The following BORCS5 variants were observed in gnomAD, a reference collection of about 807,000 sequenced individuals.
BORCS5 encodes the protein BLOC-1 related complex subunit 5, also known as BLOC-1-related complex subunit 5.
Under a neutral mutation model 22.1 loss-of-function variants are expected in BORCS5, and 17 were observed. The ratio of observed to expected loss-of-function variants is 0.77; its 90% confidence interval spans 0.53 to 1.15. The LOEUF is 1.15. BORCS5 is among the 50% of genes most tolerant of loss of function. The probability of loss-of-function intolerance (pLI) is 0.00; values close to 1 mark genes in which losing one functional copy is unlikely to be tolerated. For synonymous variants in BORCS5, 117 were observed against 99.8 expected (o/e 1.17, Z -1.03); for missense variants, 247 against 253.2 (o/e 0.98, Z 0.17).
At chr12:12,425,015 C>T (rs1359204365) in intron 2 of BORCS5, among the ~76,000 whole-genome samples, 1 of 152,160 alleles carries the variant, frequency 6.6e-6, no homozygotes, top group Admixed American at 6.5e-5. Context: ...ACAGTGATTA[C>T]CGTCTGTGTC....
intron 3 of BORCS5, among the ~76,000 whole-genome samples, chr12:12,451,351 C>G (rs1942904373): frequency 6.6e-6 from 1 of 152,130 alleles, no homozygotes; most frequent in African/African-American, 2.4e-5. Context: ...ATATCTGGTT[C>G]TTTAACAATT....
intron 2 of BORCS5, among the ~76,000 whole-genome samples, chr12:12,427,655 C>T (rs1942322923): frequency 6.6e-6 from 1 of 152,136 alleles, no homozygotes; most frequent in African/African-American, 2.4e-5. Flanking sequence ...TAACAGAATA[C>T]CATAAACCGG....
At chr12:12,419,482 G>A (rs1394676258) in intron 2 of BORCS5, among the ~76,000 whole-genome samples, 1 of 152,194 alleles carries the variant, frequency 6.6e-6, no homozygotes, top group East Asian at 1.9e-4. Context: ...CTTTGCTGTT[G>A]TGAATAGTGC....
rs866760332 is a variant in BORCS5, at chr12:12,381,005, T to G, written c.202+19656T>G. On this transcript the variant is annotated intron_variant, in intron 2 of 3. Coordinates refer to ENST00000314565, the MANE Select transcript of BORCS5 (RefSeq NM_058169.6). The stretch of plus-strand genomic sequence containing the variant: ...AGACTGTGACTTTCTTTTCATTTTT[T>G]GGGGGATTTTTTTTTTTTTTTTTTG... 4.8e-4 allele frequency among the ~76,000 whole-genome samples: 71 copies of G among 146,894 alleles called. 2 individuals carry two copies. Among genetic ancestry groups the G allele is most frequent in the Middle Eastern group, 3.4e-3 (1 of 290 alleles).
chr12:12,387,258 G>T (rs146718069), intron 2 of BORCS5, among the ~76,000 whole-genome samples: 8 of 151,492 alleles, frequency 5.3e-5, no homozygotes, highest in African/African-American at 1.9e-4. Context: ...TTTGCCAGCT[G>T]AAGGAATCGG....
chr12:12,400,384 A>T (rs1382284803), intron 2 of BORCS5, among the ~76,000 whole-genome samples: 1 of 152,158 alleles, frequency 6.6e-6, no homozygotes, highest in Non-Finnish European at 1.5e-5. Flanking sequence ...GTTTTCCTGA[A>T]TGTCTCCTGA....
intron 2 of BORCS5, among the ~76,000 whole-genome samples, chr12:12,427,746 C>G (rs947627013): frequency 2.0e-5 from 3 of 152,166 alleles, no homozygotes; most frequent in Admixed American, 6.5e-5. Context: ...AGATTTGCCT[C>G]TGCCGAGGAC....
intron 2 of BORCS5, among the ~76,000 whole-genome samples, chr12:12,414,924 G>T (rs2136094076): frequency 6.9e-6 from 1 of 145,086 alleles, no homozygotes. Flanking sequence ...CGGCGGGGCA[G>T]AGGTGCTCCC....
intron 3 of BORCS5, among the ~76,000 whole-genome samples, chr12:12,451,732 T>C (rs1257755517): frequency 1.9e-5 from 2 of 106,446 alleles, no homozygotes; most frequent in African/African-American, 9.6e-5. Context: ...GTACTAAAAA[T>C]ACTAAAAGTA....
intron 3 of BORCS5, among the ~76,000 whole-genome samples, chr12:12,440,604 T>G (rs1942662797): frequency 1.4e-5 from 1 of 73,010 alleles, no homozygotes; most frequent in Non-Finnish European, 2.3e-5. Context: ...GCTAGGTCTT[T>G]GAAAAAAAAA....
chr12:12,400,359 A>G (rs1291493386), intron 2 of BORCS5, among the ~76,000 whole-genome samples: 1 of 152,162 alleles, frequency 6.6e-6, no homozygotes, highest in East Asian at 1.9e-4. Flanking sequence ...CCACATGACA[A>G]AAGAGTGGGC....
At chr12:12,450,632 T>C (rs1002488095) in intron 3 of BORCS5, among the ~76,000 whole-genome samples, 4 of 152,212 alleles carry the variant, frequency 2.6e-5, no homozygotes, top group Non-Finnish European at 5.9e-5. Flanking sequence ...CTGCTCAACA[T>C]GGTATGTATT....
At chr12:12,439,370 G>C (rs1343336196) in intron 3 of BORCS5, among the ~76,000 whole-genome samples, 3 of 152,184 alleles carry the variant, frequency 2.0e-5, no homozygotes, top group African/African-American at 7.2e-5. Flanking sequence ...GCTCATGCCT[G>C]TAATCCCAGC....
At chr12:12,358,292 C>A (rs1339623016) in intron 1 of BORCS5, among the ~76,000 whole-genome samples, 1 of 152,084 alleles carries the variant, frequency 6.6e-6, no homozygotes, top group African/African-American at 2.4e-5. Flanking sequence ...AAAGAGTCGC[C>A]GATTTTAGAA....
intron 2 of BORCS5, among the ~76,000 whole-genome samples, chr12:12,414,953 C>G (rs1221949003): frequency 7.6e-6 from 1 of 131,842 alleles, no homozygotes; most frequent in Admixed American, 7.5e-5. Context: ...AGACGATGGG[C>G]GGCCGGGCAG....
intron 3 of BORCS5, among the ~76,000 whole-genome samples, chr12:12,450,850 A>C (rs1007563000): frequency 2.6e-5 from 4 of 152,218 alleles, no homozygotes; most frequent in South Asian, 2.1e-4. Flanking sequence ...AGGTATAAAG[A>C]TAATGTATGT....
At chr12:12,364,402 A>G (rs746782611) in intron 2 of BORCS5, among the ~76,000 whole-genome samples, 4 of 152,014 alleles carry the variant, frequency 2.6e-5, no homozygotes, top group Non-Finnish European at 5.9e-5. Flanking sequence ...AAGAGAAAGT[A>G]TATTAACTAT....
In BORCS5 at chr12:12,465,794, T is replaced by A; in HGVS notation, c.*18T>A. Reference sequence around the variant, plus strand: ...GGCTGTAGCTGCTGCCCGGCCTGCCTGGGGCTGGGAGCCCCAGACACCGAC... The same window carrying A: ...GGCTGTAGCTGCTGCCCGGCCTGCCAGGGGCTGGGAGCCCCAGACACCGAC... On this transcript the variant is annotated 3_prime_UTR_variant, in exon 4 of 4. Transcript: ENST00000314565. The A allele has an allele frequency of 6.2e-7, 1 of 1,600,556 alleles. No homozygotes were observed.
intron 2 of BORCS5, among the ~76,000 whole-genome samples, chr12:12,423,257 A>C (rs569318688): frequency 3.0e-4 from 45 of 152,042 alleles, no homozygotes; most frequent in African/African-American, 1.1e-3. Flanking sequence ...CCTCCTTGGC[A>C]TCCCAAAGTG....
Sources: allele counts gnomAD v4.1 joint callset (sites outside exome capture counted in the v4.1 genomes callset), GRCh38; gene constraint gnomAD v4.1.1; transcripts MANE v1.5; gene names NCBI Gene and HGNC (gene_info 2026-07-23, HGNC 2026-07-21).